Variants in CAPZA1 observed in about 807,000 individuals in gnomAD.
CAPZA1 encodes the protein F-actin-capping protein subunit alpha-1.
CAPZA1 carries 10 observed loss-of-function variants against 40.8 expected under a neutral mutation model. That is an observed-to-expected ratio of 0.25 (90% CI 0.15 to 0.42). The LOEUF (loss-of-function observed/expected upper bound fraction) is 0.42. Ranked by LOEUF, CAPZA1 falls within the 10% of genes least tolerant of loss-of-function variation. CAPZA1 has a pLI of 1.00. For missense variants in CAPZA1, 277 were observed against 353.8 expected, an observed-to-expected ratio of 0.78 and a Z score of 1.74; for synonymous variants, 98 against 115.0, an observed-to-expected ratio of 0.85 and a Z score of 0.95.
chr1:112,642,388 AT>A (rs372354737), intron 1 of CAPZA1, among the ~76,000 whole-genome samples: 1 of 150,276 alleles, frequency 6.7e-6, no homozygotes, highest in South Asian at 2.1e-4. Context: ...TAATTTTTGT[AT>A]TTTTTTTAGT....
chr1:112,650,016 TAATAA>T (rs1449307660), intron 3 of CAPZA1: 1 of 152,308 alleles, frequency 6.6e-6, no homozygotes, highest in African/African-American at 2.4e-5. Flanking sequence ...ATATCTTCTA[TAATAA>T]AATCTAAACT....
In CAPZA1 at chr1:112,663,332, CTG is replaced by C. The variant is rs1376160371; in HGVS notation, c.585+3554_585+3555del. On this transcript the variant is annotated intron_variant, in intron 7 of 9. Transcript: ENST00000263168. ...TTTTTTAATGAAAAAACAAACAAAA[CTG>C]ATATTTGATTGTGACCTACTTGTAT... is the stretch of plus-strand genomic sequence containing the variant. Among the ~76,000 whole-genome samples the C allele has an allele frequency of 4.6e-5, 7 of 152,244 alleles. No homozygotes were observed. The East Asian group carries it at 1.4e-3, about 29-fold the overall frequency.
chr1:112,664,293 T>C (rs1671680635), intron 7 of CAPZA1, among the ~76,000 whole-genome samples: 1 of 152,012 alleles, frequency 6.6e-6, no homozygotes, highest in Admixed American at 6.6e-5. Flanking sequence ...TAGGGGGTTC[T>C]TGTTATCCAG....
chr1:112,660,168 T>C (rs1267152248), intron 7 of CAPZA1, among the ~76,000 whole-genome samples: 1 of 151,908 alleles, frequency 6.6e-6, no homozygotes, highest in Non-Finnish European at 1.5e-5. Flanking sequence ...AACCTCCACC[T>C]CCCAGCCCAG....
chr1:112,649,133 T>C (rs186871959), intron 2 of CAPZA1, among the ~76,000 whole-genome samples: 1 of 152,364 alleles, frequency 6.6e-6, no homozygotes. Context: ...TATGCTCATA[T>C]TAAAGGATTC....
At chr1:112,643,762 T>G (rs1671225963) in intron 1 of CAPZA1, among the ~76,000 whole-genome samples, 2 of 152,226 alleles carry the variant, frequency 1.3e-5, no homozygotes, top group South Asian at 4.1e-4. Flanking sequence ...GCAGCTTTTC[T>G]TTGTCCTTTT....
rs1472915716 is a variant in CAPZA1, at chr1:112,671,264, C to T, written c.*1132C>T. The T allele has an allele frequency of 6.6e-6, 1 of 152,586 alleles. No individual in the cohort carries two copies. Among genetic ancestry groups the T allele is most frequent in the African/African-American group, 2.4e-5 (1 of 41,434 alleles). 9.5% of individuals were successfully genotyped at this position (152,586 alleles called of 1,614,324 possible). ...CAGGTATGTGTGTAATCTCAGAATA[C>T]ACAGGTGACATAGATATGATATGAC... On this transcript the variant is annotated 3_prime_UTR_variant, in exon 10 of 10. Transcript: ENST00000263168.
intron 7 of CAPZA1, among the ~76,000 whole-genome samples, chr1:112,660,650 AT>A (rs1295644887): frequency 6.6e-6 from 1 of 152,136 alleles, no homozygotes; most frequent in Non-Finnish European, 1.5e-5. Context: ...AACTCATTTG[AT>A]GCCTGTCTGG....
chr1:112,641,920 T>C (rs914551771), intron 1 of CAPZA1, among the ~76,000 whole-genome samples: 2 of 151,946 alleles, frequency 1.3e-5, no homozygotes, highest in African/African-American at 4.8e-5. Context: ...TAAAACTGAT[T>C]TTTAAAATAA....
At chr1:112,639,919 G>T (rs1671104587) in intron 1 of CAPZA1, among the ~76,000 whole-genome samples, 6 of 142,380 alleles carry the variant, frequency 4.2e-5, no homozygotes, top group Admixed American at 6.9e-5. Flanking sequence ...GAGGTGGGGG[G>T]GTCAGCCCCC....
intron 1 of CAPZA1, among the ~76,000 whole-genome samples, chr1:112,634,500 C>G (rs1429624871): frequency 2.6e-5 from 4 of 151,976 alleles, no homozygotes; most frequent in Non-Finnish European, 5.9e-5. Context: ...ATTTCTAGAA[C>G]AAGAGGATTA....
chr1:112,667,674 C>T (rs968192013), intron 8 of CAPZA1, among the ~76,000 whole-genome samples: 3 of 151,972 alleles, frequency 2.0e-5, no homozygotes, highest in Admixed American at 1.3e-4. Flanking sequence ...GCTGGGACCA[C>T]AGGTGCATGC....
At chr1:112,665,865 T>C (rs1393860903) in intron 7 of CAPZA1, among the ~76,000 whole-genome samples, 1 of 152,222 alleles carries the variant, frequency 6.6e-6, no homozygotes, top group Non-Finnish European at 1.5e-5. Context: ...TAGCACTAGA[T>C]AAATGGCATT....
chr1:112,621,288 ATTT>A (rs58049077), intron 1 of CAPZA1, among the ~76,000 whole-genome samples: 178 of 148,474 alleles, frequency 1.2e-3, no homozygotes, highest in African/African-American at 3.3e-3. Flanking sequence ...CAACTAAACA[ATTT>A]TTTTTTTTTT....
chr1:112,668,071 G>A (rs921714160), intron 8 of CAPZA1, among the ~76,000 whole-genome samples: 2 of 151,986 alleles, frequency 1.3e-5, no homozygotes, highest in African/African-American at 4.8e-5. Flanking sequence ...GAAAGCTTGA[G>A]CTCAGGAGTT....
At chr1:112,628,159 G>A (rs927963534) in intron 1 of CAPZA1, among the ~76,000 whole-genome samples, 6 of 152,318 alleles carry the variant, frequency 3.9e-5, no homozygotes, top group African/African-American at 1.4e-4. Context: ...GGCAGAATCT[G>A]TGTTTCCTTC....
chr1:112,667,903 C>A (rs1472691548), intron 8 of CAPZA1, among the ~76,000 whole-genome samples: 1 of 152,000 alleles, frequency 6.6e-6, no homozygotes, highest in Non-Finnish European at 1.5e-5. Context: ...CTCATTACTT[C>A]TTTAAGTTAT....
At position 112,660,334 on chromosome 1, in the gene CAPZA1, G is replaced by A. The variant is rs766012800; in HGVS notation, c.585+555G>A. Among the ~76,000 whole-genome samples, 152 of 152,298 alleles carry A rather than the reference G, an allele frequency of 1.0e-3. 1 individual carries two copies. The highest frequency in any genetic ancestry group is 1.3e-3 in the Non-Finnish European group (90 of 68,030). ...TGCTCTTATTGCCCAGGCTGGAGGT[G>A]CAATGGCATGATCTCGGCTCTTCGC... On this transcript the variant is annotated intron_variant, in intron 7 of 9. Coordinates refer to ENST00000263168, the MANE Select transcript of CAPZA1 (RefSeq NM_006135.3).
Position 112,649,403 on chromosome 1 carries a change from A to G in CAPZA1, c.104-15A>G. On this transcript the variant is annotated splice_polypyrimidine_tract_variant and intron_variant, in intron 2 of 9. Coordinates refer to ENST00000263168, the MANE Select transcript of CAPZA1 (RefSeq NM_006135.3). ...TTTATCCTCCACTGAACATTGTAAC[A>G]TTTTTCCTCCTCAGACGTTCGGCTA... The G allele has an allele frequency of 1.9e-6, 3 of 1,606,470 alleles. No homozygotes were observed. Among genetic ancestry groups the G allele is most frequent in the Non-Finnish European group, 2.6e-6 (3 of 1,173,804 alleles).
Sources: allele counts gnomAD v4.1 joint callset (sites outside exome capture counted in the v4.1 genomes callset), GRCh38; gene constraint gnomAD v4.1.1; transcripts MANE v1.5; gene names NCBI Gene and HGNC (gene_info 2026-07-23, HGNC 2026-07-21).